The following CELSR2 variants were observed in gnomAD, a reference collection of about 807,000 sequenced individuals.
CELSR2 encodes the protein EGF-like protein 2.
Under a neutral mutation model 251.6 loss-of-function variants are expected in CELSR2, and 81 were observed. The observed-to-expected ratio is 0.32, with a 90% CI of 0.27 to 0.39. The LOEUF (loss-of-function observed/expected upper bound fraction) is 0.39, where lower values mean the gene tolerates loss of function less well. Ranked by LOEUF, CELSR2 falls within the 10% of genes least tolerant of loss-of-function variation. The probability of loss-of-function intolerance (pLI) is 1.00; values close to 1 mark genes in which losing one functional copy is unlikely to be tolerated. For missense variants in CELSR2, 3,365 were observed against 3,947.7 expected, an observed-to-expected ratio of 0.85 and a Z score of 3.96; for synonymous variants, 1,721 against 1,670.5, an observed-to-expected ratio of 1.03 and a Z score of -0.74.
Position 109,252,704 on chromosome 1 carries a change from G to A in CELSR2, c.2625G>A (p.Thr875=), listed in dbSNP as rs962268647. 32 of 1,613,940 alleles carry A rather than the reference G, an allele frequency of 2.0e-5. No homozygotes were observed. The highest frequency in any genetic ancestry group is 2.5e-5 in the Non-Finnish European group (29 of 1,180,052). The change falls in exon 1 of 34, where the codon ACG becomes ACA. Residue 875 remains threonine (T), a synonymous_variant. Coordinates refer to ENST00000271332, the MANE Select transcript of CELSR2 (RefSeq NM_001408.3). This position sits in a 1 kb window ranked among gnomAD's most constrained non-coding sequence, Gnocchi z 4.8. ...IVESTSGIVR[T]LRRLDRENVA... is the part of the protein sequence containing the mutation. ...AGTCCACGTCAGGCATCGTGCGAAC[G>A]CTACGGAGGCTGGATCGAGAGAACG...
Position 109,250,910 on chromosome 1 carries a change from C to T in CELSR2, c.831C>T (p.Ile277=). 1 of 1,613,944 alleles carries T rather than the reference C, an allele frequency of 6.2e-7. No homozygotes were observed. The highest frequency in any genetic ancestry group is 1.3e-5 in the African/African-American group (1 of 75,072). ...GAAGTGCCCTGGCTACACTCACCAT[C>T]TTGGTTACTGACACCAATGACCATG... ...PRRSALATLT[I]LVTDTNDHDP... Residue 277 remains isoleucine, a synonymous_variant, in exon 1 of 34, where the codon ATC becomes ATT. Coordinates refer to ENST00000271332, the MANE Select transcript of CELSR2 (RefSeq NM_001408.3). This position sits in a 1 kb window ranked among gnomAD's most constrained non-coding sequence, Gnocchi z 4.4.
chr1:109,272,226 T>G, intron 28 of CELSR2, 52 bp from the exon 29 acceptor site: 1 of 1,522,290 alleles, frequency 6.6e-7, no homozygotes, highest in Non-Finnish European at 8.8e-7. Flanking sequence ...CTTCCCAGCC[T>G]GGGGCCAGCC....
Position 109,250,196 on chromosome 1 carries a change from C to T in CELSR2, c.117C>T (p.Ser39=), listed in dbSNP as rs1655641399. 4 of 1,600,316 alleles carry T rather than the reference C, an allele frequency of 2.5e-6. No homozygotes were observed. Among genetic ancestry groups the T allele is most frequent in the Non-Finnish European group, 2.6e-6 (3 of 1,175,004 alleles). The change falls in exon 1 of 34, where the codon TCC becomes TCT. Residue 39 remains serine, a synonymous_variant. Transcript: ENST00000271332. This position sits in a 1 kb window ranked among gnomAD's most constrained non-coding sequence, Gnocchi z 4.4. ...GAGACCAAGTGGGGCCCTGTCGTTC[C>T]TTGGGGTCCAGGGGACGAGGCTCTT... ...LLGDQVGPCR[S]LGSRGRGSSG... is the part of the protein sequence containing the mutation.
chr1:109,253,495 C>G, intron 1 of CELSR2, 106 bp downstream of exon 1: 1 of 1,472,252 alleles, frequency 6.8e-7, no homozygotes, highest in South Asian at 1.4e-5. Flanking sequence ...AGATCCACCT[C>G]CCTGCCCAGT....
intron 2 of CELSR2, among the ~76,000 whole-genome samples, chr1:109,259,618 G>A (rs1655964027): frequency 6.6e-6 from 1 of 152,170 alleles, no homozygotes; most frequent in African/African-American, 2.4e-5. Flanking sequence ...CTCCCCCACT[G>A]AGCGAGTTCC....
At position 109,265,897 on chromosome 1, in the gene CELSR2, G is replaced by A. The variant is rs1158914080; in HGVS notation, c.5890G>A (p.Val1964Ile). The change falls in exon 14 of 34, where the codon GTC (valine) becomes ATC (isoleucine). Residue 1964 changes from valine (V) to isoleucine (I), a missense_variant. Val to Ile is a conservative substitution (Grantham distance 29). Around this residue, in one of 5 missense-constraint regions of CELSR2, gnomAD observed 2,093 missense variants for 2,382.8 expected, o/e 0.88. Transcript: ENST00000271332. ...CDRCDNPFAEVTTNGCEVNYD... is the reference protein window; with the variant it reads ...CDRCDNPFAEITTNGCEVNYD... ...CCGCTGTGACAACCCTTTTGCTGAG[G>A]TCACCACCAATGGCTGTGAAGGTGG... 1 of 1,613,658 alleles carries A rather than the reference G, an allele frequency of 6.2e-7. No homozygotes were observed. Among genetic ancestry groups the A allele is most frequent in the South Asian group, 1.1e-5 (1 of 91,086 alleles).
At position 109,270,613 on chromosome 1, in the gene CELSR2, ATTCCCAGTC is replaced by A. The variant is rs1265624698; in HGVS notation, c.7483+16_7483+24del. On this transcript the variant is annotated intron_variant, in intron 24 of 33. Coordinates refer to ENST00000271332, the MANE Select transcript of CELSR2 (RefSeq NM_001408.3). ...GCCTTCATCACAGGTACTCCCACCCATTCCCAGTCTTGGGGTCCCACATCCCTGGGTCCA... is the reference window on the plus strand; with the variant it reads ...GCCTTCATCACAGGTACTCCCACCCATTGGGGTCCCACATCCCTGGGTCCA... 1.9e-6 allele frequency: 3 copies of A among 1,586,576 alleles called. 1 individual carries two copies. The South Asian group carries it at 3.3e-5, about 18-fold the overall frequency.
chr1:109,256,088 G>A (rs1190467857), intron 1 of CELSR2, among the ~76,000 whole-genome samples: 3 of 152,222 alleles, frequency 2.0e-5, no homozygotes, highest in Non-Finnish European at 4.4e-5. Context: ...TCTGCCTGGA[G>A]GGAATATCCC....
chr1:109,258,313 T>C, intron 1 of CELSR2, 119 bp from the exon 2 acceptor site: 1 of 658,676 alleles, frequency 1.5e-6, no homozygotes. Flanking sequence ...ACACGTGACA[T>C]ACCTGGCTCA....
intron 32 of CELSR2, 29 bp downstream of exon 32, chr1:109,273,365 T>C (rs755467277): frequency 1.9e-6 from 3 of 1,604,320 alleles, no homozygotes; most frequent in Non-Finnish European, 2.6e-6. Context: ...GCTGCCGAGC[T>C]CCCCTAGTCA....
chr1:109,258,803 G>A lies in CELSR2; in HGVS notation c.3682G>A (p.Asp1228Asn), dbSNP rs769495668. The change falls in exon 2 of 34, where the codon GAC becomes AAC. Residue 1228 changes from aspartate (D) to asparagine (N), a missense_variant. Coordinates refer to ENST00000271332, the MANE Select transcript of CELSR2 (RefSeq NM_001408.3). The part of the protein sequence containing the change: ...AISAQRVLPF[D>N]DNICLREPCE... The stretch of plus-strand genomic sequence containing the variant: ...CTCGGCACAGCGCGTGCTGCCCTTC[G>A]ACGACAACATCTGCCTGCGGGAGCC... 6.2e-7 allele frequency: 1 copy of A among 1,610,888 alleles called. No homozygotes were observed. Among genetic ancestry groups the A allele is most frequent in the African/African-American group, 1.3e-5 (1 of 75,008 alleles).
At chr1:109,273,814 C>A in intron 33 of CELSR2, 144 bp downstream of exon 33, 1 of 971,712 alleles carries the variant, frequency 1.0e-6, no homozygotes, top group Non-Finnish European at 1.5e-6. Flanking sequence ...CCTTACTATG[C>A]CGTGCCCACA....
intron 23 of CELSR2, 94 bp from the exon 24 acceptor site, chr1:109,270,332 C>T (rs993728612): frequency 5.9e-5 from 86 of 1,456,404 alleles, no homozygotes; most frequent in Non-Finnish European, 7.7e-5. Flanking sequence ...GAAGCAGTTC[C>T]CAACACCCAG....
rs200559479 is a variant in CELSR2 at position 109,272,388 on chromosome 1, C to T, written c.8037C>T (p.Tyr2679=). 11 of 1,609,952 alleles carry T rather than the reference C, an allele frequency of 6.8e-6. No individual in the cohort carries two copies. In the East Asian group the frequency reaches 2.5e-4, roughly 36 times the overall value. The change falls in exon 29 of 34, where the codon TAC becomes TAT. Residue 2679 remains tyrosine (Y), a synonymous_variant. Coordinates refer to ENST00000271332, the MANE Select transcript of CELSR2 (RefSeq NM_001408.3). ...GCTCGGGCAAGAGTCAGCCCAGCTACATCCCCTTCTTGCTGAGGTGAATCC... is the reference window on the plus strand; with the variant it reads ...GCTCGGGCAAGAGTCAGCCCAGCTATATCCCCTTCTTGCTGAGGTGAATCC... ...TSRSGKSQPS[Y]IPFLLREESA...
chr1:109,251,286 C>A lies in CELSR2; in HGVS notation c.1207C>A (p.Arg403Ser). 1 of 1,614,126 alleles carries A rather than the reference C, an allele frequency of 6.2e-7. No individual in the cohort carries two copies. The highest frequency in any genetic ancestry group is 8.5e-7 in the Non-Finnish European group (1 of 1,180,022). The change falls in exon 1 of 34, where the codon CGC (arginine) becomes AGC (serine). Residue 403 changes from arginine (R) to serine (S), a missense_variant. Physicochemically the swap from Arg to Ser is moderately radical, Grantham distance 110. Coordinates refer to ENST00000271332, the MANE Select transcript of CELSR2 (RefSeq NM_001408.3). The surrounding 1 kb of genome is among the most constrained non-coding windows in gnomAD (Gnocchi z 4.9). ...NDNAPQFSEK[R>S]YVVQVREDVT... The stretch of plus-strand genomic sequence containing the variant: ...TAATGCCCCCCAGTTTAGTGAGAAG[C>A]GCTATGTGGTCCAGGTGAGGGAGGA...
intron 23 of CELSR2, 29 bp from the exon 24 acceptor site, chr1:109,270,397 C>A (rs757720449): frequency 6.8e-6 from 11 of 1,611,938 alleles, no homozygotes; most frequent in African/African-American, 1.3e-5. Flanking sequence ...GGGCCCCGGT[C>A]GCTGACCTGC....
chr1:109,253,716 G>A (rs938205978), intron 1 of CELSR2, among the ~76,000 whole-genome samples: 2 of 152,358 alleles, frequency 1.3e-5, no homozygotes, highest in South Asian at 4.1e-4. Flanking sequence ...GCGCGTGGAA[G>A]CCTGGGGGGC....
chr1:109,266,290 A>G, intron 15 of CELSR2, 84 bp downstream of exon 15: 1 of 1,517,340 alleles, frequency 6.6e-7, no homozygotes, highest in South Asian at 1.2e-5. Context: ...CTGGCTGAAG[A>G]TCCGGGGACC....
intron 1 of CELSR2, among the ~76,000 whole-genome samples, chr1:109,253,651 C>T (rs527912800): frequency 2.6e-5 from 4 of 152,172 alleles, no homozygotes; most frequent in South Asian, 2.1e-4. Context: ...GTGACGTGGT[C>T]GGGGAAGTGT....
Sources: gnomAD v4.1 joint callset for allele counts (sites outside exome capture counted in the v4.1 genomes callset) on GRCh38, gnomAD v4.1.1 for gene constraint, gnomAD v4.1.1 regional missense constraint, Gnocchi (gnomAD v3.1) non-coding constraint, MANE v1.5 for transcripts, NCBI Gene and HGNC (gene_info 2026-07-23, HGNC 2026-07-21) for gene names.